Variants in CCDC7 observed in about 807,000 individuals in gnomAD.
CCDC7 encodes the protein coiled-coil domain containing 7.
Under a neutral mutation model 196.9 loss-of-function variants are expected in CCDC7, and 183 were observed. The ratio of observed to expected loss-of-function variants is 0.93; its 90% confidence interval spans 0.82 to 1.05. CCDC7 has a LOEUF of 1.05. Ranked by LOEUF, CCDC7 falls within the 50% of genes least tolerant of loss-of-function variation. CCDC7 has a pLI of 0.00. For missense variants in CCDC7, 1,540 were observed against 1,482.2 expected, an observed-to-expected ratio of 1.04 and a Z score of -0.64; for synonymous variants, 525 against 484.6, an observed-to-expected ratio of 1.08 and a Z score of -1.10.
At chr10:32,556,175 A>C (rs2054308357) in intron 13 of CCDC7, among the ~76,000 whole-genome samples, 1 of 152,184 alleles carries the variant, frequency 6.6e-6, no homozygotes, top group Admixed American at 6.5e-5. Flanking sequence ...AGTGGGGTAT[A>C]TATTTTCTCT....
intron 12 of CCDC7, among the ~76,000 whole-genome samples, 192 bp from the exon 14 acceptor site, chr10:32,544,055 A>C (rs1340010816): frequency 6.6e-6 from 1 of 152,040 alleles, no homozygotes; most frequent in East Asian, 1.9e-4. Flanking sequence ...CATACCAGTG[A>C]GAAGTTAGTT....
intron 25 of CCDC7, among the ~76,000 whole-genome samples, chr10:32,713,155 C>A: frequency 6.6e-6 from 1 of 152,248 alleles, no homozygotes; most frequent in East Asian, 1.9e-4. Flanking sequence ...GTAGTAGAGG[C>A]CATGACAATA....
Position 32,530,199 on chromosome 10 carries a change from C to T in CCDC7, c.993+11694C>T, listed in dbSNP as rs141589497. Among the ~76,000 whole-genome samples, 6 of 152,142 alleles carry T rather than the reference C, an allele frequency of 3.9e-5. 1 individual carries two copies. The highest frequency in any genetic ancestry group is 1.3e-4 in the Admixed American group (2 of 15,272). ...CCTTATAGTATAGTTGGAAGTCAGG[C>T]GATGTGATGCTTCCAGATTTCTTCT... On this transcript the variant is annotated intron_variant, in intron 11 of 41. Coordinates refer to ENST00000639629, the Ensembl canonical transcript of CCDC7.
At chr10:32,569,492 T>C (rs1196638442) in intron 15 of CCDC7, among the ~76,000 whole-genome samples, 1 of 152,180 alleles carries the variant, frequency 6.6e-6, no homozygotes, top group African/African-American at 2.4e-5. Flanking sequence ...AATGGTGTGA[T>C]CTCAGCTCAC....
At chr10:32,602,012 C>A (rs2061082118) in intron 18 of CCDC7, among the ~76,000 whole-genome samples, 1 of 152,116 alleles carries the variant, frequency 6.6e-6, no homozygotes, top group Non-Finnish European at 1.5e-5. Flanking sequence ...ATCGGGTCCC[C>A]TTCCACACTG....
upstream of CCDC7, among the ~76,000 whole-genome samples, chr10:32,449,588 A>T (rs573572727): frequency 6.6e-6 from 1 of 152,182 alleles, no homozygotes; most frequent in East Asian, 1.9e-4. Context: ...GTAATCTATT[A>T]TTAGGAAATG....
intron 28 of CCDC7, among the ~76,000 whole-genome samples, chr10:32,751,392 A>G (rs1381681409): frequency 6.6e-6 from 1 of 152,062 alleles, no homozygotes; most frequent in Non-Finnish European, 1.5e-5. Context: ...GGGATCCCAA[A>G]TGCCAAGATG....
intron 33 of CCDC7, among the ~76,000 whole-genome samples, chr10:32,838,370 G>A (rs752229077): frequency 7.9e-5 from 12 of 151,982 alleles, no homozygotes; most frequent in African/African-American, 2.2e-4. Flanking sequence ...TAATAGAACC[G>A]AACAGCAGAA....
rs570067693 is a variant in CCDC7 at position 32,677,330 on chromosome 10, C to G, written c.2123-8640C>G. 1.4e-4 allele frequency among the ~76,000 whole-genome samples: 21 copies of G among 151,138 alleles called. No individual in the cohort carries two copies. In the South Asian group the frequency reaches 2.9e-3, roughly 21 times the overall value. The stretch of plus-strand genomic sequence containing the variant: ...TGTATACATATGTAACTAACCTGCA[C>G]ATTGTGCACATGTATCCTAAAACTT... On this transcript the variant is annotated intron_variant, in intron 21 of 41. Coordinates refer to ENST00000639629, the Ensembl canonical transcript of CCDC7.
At chr10:32,627,724 G>A (rs2064255308) in intron 18 of CCDC7, among the ~76,000 whole-genome samples, 1 of 151,646 alleles carries the variant, frequency 6.6e-6, no homozygotes, top group Non-Finnish European at 1.5e-5. Context: ...AATCATGAAA[G>A]TATGTTGAAT....
rs1401433433 is a variant in CCDC7 at position 32,634,489 on chromosome 10, C to T, written c.1912+125C>T. On this transcript the variant is annotated intron_variant, in intron 19 of 41. Transcript: ENST00000639629. The stretch of plus-strand genomic sequence containing the variant: ...TTGGCTCACTGCAACCTCCATCTTC[C>T]GGGTTGAAGCGATTCTCCTGCCCCA... 23 of 335,382 alleles carry T rather than the reference C, an allele frequency of 6.9e-5. No individual in the cohort carries two copies. The East Asian group carries it at 6.9e-4, about 10-fold the overall frequency. 20.8% of individuals were successfully genotyped at this position (335,382 alleles called of 1,614,324 possible). A position where few individuals can be genotyped will look rare whatever the true frequency, so the allele number is the denominator to read the frequency against.
intron 32 of CCDC7, among the ~76,000 whole-genome samples, chr10:32,829,474 A>G (rs980149861): frequency 1.3e-5 from 2 of 152,066 alleles, no homozygotes; most frequent in African/African-American, 2.4e-5. Flanking sequence ...TCTTCATTTT[A>G]TTTCCTTTTT....
intron 21 of CCDC7, among the ~76,000 whole-genome samples, chr10:32,672,743 G>T (rs1455675244): frequency 6.6e-6 from 1 of 152,078 alleles, no homozygotes; most frequent in Non-Finnish European, 1.5e-5. Context: ...CTATCTCCTG[G>T]TGTCTAAGAT....
At chr10:32,546,388 G>A (rs1171275682) in intron 13 of CCDC7, among the ~76,000 whole-genome samples, 1 of 152,180 alleles carries the variant, frequency 6.6e-6, no homozygotes, top group Non-Finnish European at 1.5e-5. Flanking sequence ...GTGGAGTGTG[G>A]TATCAGAAAA....
At chr10:32,841,792 A>G (rs1052048510) in intron 33 of CCDC7, among the ~76,000 whole-genome samples, 1 of 152,162 alleles carries the variant, frequency 6.6e-6, no homozygotes, top group Non-Finnish European at 1.5e-5. Flanking sequence ...AAGAACCCAG[A>G]AATAAAGCCA....
At chr10:32,854,596 C>CA (rs1447689622) in intron 41 of CCDC7, 107 bp downstream of exon 42, 8 of 684,922 alleles carry the variant, frequency 1.2e-5, no homozygotes, top group Non-Finnish European at 2.0e-5. Context: ...TTCAAACAAC[C>CA]AACCTTATGG....
At chr10:32,601,935 A>AACAGG (rs2061067427) in intron 18 of CCDC7, among the ~76,000 whole-genome samples, 1 of 152,210 alleles carries the variant, frequency 6.6e-6, no homozygotes, top group Non-Finnish European at 1.5e-5. Flanking sequence ...TGGATCAATC[A>AACAGG]ACAGGATGTG....
chr10:32,738,665 G>A (rs905858001), intron 28 of CCDC7, among the ~76,000 whole-genome samples: 1 of 151,496 alleles, frequency 6.6e-6, no homozygotes, highest in African/African-American at 2.4e-5. Context: ...GTAGAGCTAG[G>A]TCTTTGCCAT....
intron 28 of CCDC7, among the ~76,000 whole-genome samples, chr10:32,737,630 C>A (rs1015079888): frequency 6.6e-6 from 1 of 152,164 alleles, no homozygotes; most frequent in African/African-American, 2.4e-5. Context: ...GTACTGAAGG[C>A]TGCAAATATA....
Sources: gnomAD v4.1 joint callset for allele counts (sites outside exome capture counted in the v4.1 genomes callset) on GRCh38, gnomAD v4.1.1 for gene constraint, MANE v1.5 for transcripts, NCBI Gene and HGNC (gene_info 2026-07-23, HGNC 2026-07-21) for gene names.